CFAP20DC: variants seen among roughly 807,000 people sequenced by gnomAD.
The protein encoded by CFAP20DC is protein CFAP20DC.
Under a neutral mutation model 101.7 loss-of-function variants are expected in CFAP20DC, and 84 were observed. That is an observed-to-expected ratio of 0.83 (90% CI 0.69 to 0.99). CFAP20DC has a LOEUF of 0.99. CFAP20DC is among the 50% of genes least tolerant of loss of function. The pLI, the probability that CFAP20DC is intolerant of heterozygous loss-of-function variation, is 0.00. For synonymous variants in CFAP20DC, 359 were observed against 351.2 expected (o/e 1.02, Z -0.25); for missense variants, 1,007 against 970.3 (o/e 1.04, Z -0.50).
chr3:58,928,773 A>G (rs1397095794), intron 5 of CFAP20DC, among the ~76,000 whole-genome samples: 1 of 152,150 alleles, frequency 6.6e-6, no homozygotes, highest in Non-Finnish European at 1.5e-5. Context: ...CCATATTCAG[A>G]AGGAAAGTTC....
chr3:58,807,720 C>G (rs1037210493), intron 14 of CFAP20DC, among the ~76,000 whole-genome samples: 1 of 152,192 alleles, frequency 6.6e-6, no homozygotes, highest in African/African-American at 2.4e-5. Context: ...TGGAGAATGA[C>G]TTTGACGAGT....
At chr3:58,976,759 A>G (rs1292910738) in intron 4 of CFAP20DC, among the ~76,000 whole-genome samples, 2 of 152,116 alleles carry the variant, frequency 1.3e-5, no homozygotes, top group African/African-American at 4.8e-5. Flanking sequence ...TTCCTCCCAC[A>G]TCCCAAAGAC....
At chr3:58,842,609 G>A (rs1041122909) in intron 13 of CFAP20DC, among the ~76,000 whole-genome samples, 6 of 152,234 alleles carry the variant, frequency 3.9e-5, no homozygotes, top group African/African-American at 1.2e-4. Flanking sequence ...CATTGCCCAG[G>A]CTTGATTAGG....
intron 5 of CFAP20DC, among the ~76,000 whole-genome samples, chr3:58,932,339 A>G (rs2086830237): frequency 6.6e-6 from 1 of 152,180 alleles, no homozygotes; most frequent in Admixed American, 6.5e-5. Flanking sequence ...ACAAAGTTGG[A>G]AAACACTCTG....
At chr3:58,944,572 C>CTAGT (rs1468580521) in intron 4 of CFAP20DC, among the ~76,000 whole-genome samples, 26 of 152,198 alleles carry the variant, frequency 1.7e-4, no homozygotes, top group African/African-American at 5.1e-4. Flanking sequence ...CTAGTATAGA[C>CTAGT]ATCGTGCTAA....
intron 7 of CFAP20DC, among the ~76,000 whole-genome samples, chr3:58,876,057 TTTAAA>T (rs910404081): frequency 5.3e-5 from 8 of 152,174 alleles, no homozygotes; most frequent in African/African-American, 1.4e-4. Flanking sequence ...CCACAGTATA[TTTAAA>T]TTAATGTTTA....
intron 4 of CFAP20DC, among the ~76,000 whole-genome samples, chr3:59,038,641 T>C (rs2094145142): frequency 6.6e-6 from 1 of 152,164 alleles, no homozygotes; most frequent in Non-Finnish European, 1.5e-5. Flanking sequence ...TTTTTCAGTA[T>C]TATTTATCTG....
Position 58,897,168 on chromosome 3 carries a change from T to C in CFAP20DC, c.551-12459A>G, listed in dbSNP as rs1039946813. Among the ~76,000 whole-genome samples, 2 of 152,198 alleles carry C rather than the reference T, an allele frequency of 1.3e-5. No homozygotes were observed. The highest frequency in any genetic ancestry group is 4.8e-5 in the African/African-American group (2 of 41,454). The stretch of plus-strand genomic sequence containing the variant: ...CTTTGTCTTTTTTGATATTTGTTGG[T>C]TTAAAGTCTATTTGTCAGAAACTAG... On this transcript the variant is annotated intron_variant, in intron 6 of 16. Coordinates refer to ENST00000482387, the MANE Select transcript of CFAP20DC (RefSeq NM_001394063.1). This position sits in a 1 kb window ranked among gnomAD's most constrained non-coding sequence, Gnocchi z 4.4.
At chr3:58,719,780 C>T (rs1449271870) in intron 3 of CFAP20DC, among the ~76,000 whole-genome samples, 1 of 152,204 alleles carries the variant, frequency 6.6e-6, no homozygotes, top group Non-Finnish European at 1.5e-5. Flanking sequence ...AGGCTGAAAG[C>T]ACAGAGGTGA....
chr3:58,844,276 G>A (rs1482535571), intron 13 of CFAP20DC, among the ~76,000 whole-genome samples: 9 of 148,888 alleles, frequency 6.0e-5, no homozygotes, highest in South Asian at 4.4e-4. Context: ...CCCATCTCAC[G>A]TGCAGAGACA....
intron 4 of CFAP20DC, among the ~76,000 whole-genome samples, chr3:58,939,057 G>T (rs149948971): frequency 1.1e-3 from 162 of 152,292 alleles, no homozygotes; most frequent in Middle Eastern, 0.01. Flanking sequence ...AACACATGGG[G>T]AGGGGGAGTG....
intron 4 of CFAP20DC, among the ~76,000 whole-genome samples, chr3:59,032,319 C>T (rs1462273188): frequency 6.6e-6 from 1 of 151,958 alleles, no homozygotes; most frequent in Non-Finnish European, 1.5e-5. Flanking sequence ...TTTCATATCC[C>T]AGTGGCACCT....
chr3:58,748,550 G>A (rs1000418133), intron 16 of CFAP20DC, among the ~76,000 whole-genome samples: 25 of 152,110 alleles, frequency 1.6e-4, no homozygotes, highest in African/African-American at 5.8e-4. Flanking sequence ...GACCCTGAGA[G>A]CTATGTAAGA....
intron 4 of CFAP20DC, among the ~76,000 whole-genome samples, chr3:58,991,022 T>C (rs1330733032): frequency 6.6e-6 from 1 of 152,146 alleles, no homozygotes; most frequent in African/African-American, 2.4e-5. Context: ...GCAACTTTAC[T>C]TGGCACATAG....
intron 7 of CFAP20DC, among the ~76,000 whole-genome samples, chr3:58,879,492 A>G (rs2081055947): frequency 6.6e-6 from 1 of 152,208 alleles, no homozygotes; most frequent in African/African-American, 2.4e-5. Flanking sequence ...ATCTGCTCAA[A>G]TTATTTGGCT....
At chr3:58,819,280 A>G (rs544063470) in intron 14 of CFAP20DC, among the ~76,000 whole-genome samples, 3 of 152,324 alleles carry the variant, frequency 2.0e-5, no homozygotes, top group East Asian at 1.9e-4. Context: ...AAGGCAAGAG[A>G]TAACTAACAT....
intron 10 of CFAP20DC, among the ~76,000 whole-genome samples, chr3:58,867,498 G>A (rs920549467): frequency 6.6e-6 from 1 of 152,142 alleles, no homozygotes; most frequent in African/African-American, 2.4e-5. Context: ...TTCCATTTTA[G>A]TAAAGTCTGC....
chr3:58,938,675 T>G (rs916622265), intron 4 of CFAP20DC, among the ~76,000 whole-genome samples: 4 of 152,178 alleles, frequency 2.6e-5, no homozygotes, highest in African/African-American at 9.6e-5. Context: ...TTTTTAAAAT[T>G]GGCATTGTCT....
chr3:58,733,219 C>G (rs987070944), intron 3 of CFAP20DC, among the ~76,000 whole-genome samples: 3 of 152,180 alleles, frequency 2.0e-5, no homozygotes, highest in Non-Finnish European at 4.4e-5. Flanking sequence ...GTAGTCCCAG[C>G]TACTCGGGAG....
Sources: gnomAD v4.1 joint callset for allele counts (sites outside exome capture counted in the v4.1 genomes callset) on GRCh38, gnomAD v4.1.1 for gene constraint, Gnocchi (gnomAD v3.1) non-coding constraint, MANE v1.5 for transcripts, NCBI Gene and HGNC (gene_info 2026-07-23, HGNC 2026-07-21) for gene names.